Variants in SYNE3 observed in about 807,000 individuals in gnomAD.
The protein encoded by SYNE3 is nesprin-3.
SYNE3 carries 100 observed loss-of-function variants against 111.2 expected under a neutral mutation model. That is an observed-to-expected ratio of 0.90 (90% CI 0.77 to 1.06). The LOEUF (loss-of-function observed/expected upper bound fraction) is 1.06. Ranked by LOEUF, SYNE3 falls within the 50% of genes least tolerant of loss-of-function variation. The pLI is 0.00. For missense variants in SYNE3, 1,160 were observed against 1,240.3 expected, an observed-to-expected ratio of 0.94 and a Z score of 0.97; for synonymous variants, 547 against 533.9, an observed-to-expected ratio of 1.02 and a Z score of -0.34.
At chr14:95,432,425 C>T (rs1237976222) in intron 16 of SYNE3, among the ~76,000 whole-genome samples, 1 of 152,158 alleles carries the variant, frequency 6.6e-6, no homozygotes. Context: ...CCAGGAAAGC[C>T]TGGGGCGCCC....
intron 1 of SYNE3, among the ~76,000 whole-genome samples, chr14:95,477,091 A>C (rs1210376662): frequency 6.6e-6 from 1 of 152,276 alleles, no homozygotes; most frequent in Non-Finnish European, 1.5e-5. Flanking sequence ...ATTAACAAAA[A>C]CTACACTCAT....
intron 5 of SYNE3, chr14:95,456,214 A>G (rs1887430821): frequency 6.0e-6 from 1 of 167,404 alleles, no homozygotes; most frequent in Non-Finnish European, 1.3e-5. Flanking sequence ...TTAAATACAA[A>G]TATTAAAGAA....
chr14:95,483,777 T>G (rs1462172732), intron 1 of SYNE3, among the ~76,000 whole-genome samples: 1 of 152,152 alleles, frequency 6.6e-6, no homozygotes, highest in Non-Finnish European at 1.5e-5. Flanking sequence ...CTTGGCAGGT[T>G]AAGGGACTGC....
intron 17 of SYNE3, among the ~76,000 whole-genome samples, chr14:95,426,542 G>A (rs542900588): frequency 8.1e-4 from 124 of 152,204 alleles, no homozygotes; most frequent in Non-Finnish European, 1.3e-3. Flanking sequence ...CCAAGCACAC[G>A]TGTTCCCAGC....
At chr14:95,449,684 G>T in intron 8 of SYNE3, 2 of 984,348 alleles carry the variant, frequency 2.0e-6, no homozygotes, top group Non-Finnish European at 2.4e-6. Context: ...CCTGGGAGAT[G>T]CTTGCGGGTG....
chr14:95,504,515 T>C (rs1291716174), intron 1 of SYNE3, among the ~76,000 whole-genome samples: 1 of 152,264 alleles, frequency 6.6e-6, no homozygotes, highest in Admixed American at 6.5e-5. Context: ...CTGGCATTTA[T>C]CCTACTTACA....
chr14:95,488,199 A>G (rs577131656), intron 1 of SYNE3, among the ~76,000 whole-genome samples: 6 of 152,320 alleles, frequency 3.9e-5, no homozygotes, highest in African/African-American at 1.2e-4. Context: ...AGTTAGACTT[A>G]AATTTTCAAG....
chr14:95,462,386 G>T (rs1030097707), intron 4 of SYNE3, among the ~76,000 whole-genome samples: 2 of 152,216 alleles, frequency 1.3e-5, no homozygotes, highest in Admixed American at 1.3e-4. Context: ...TCAGCCAACA[G>T]CTGAGAAAGC....
intron 15 of SYNE3, among the ~76,000 whole-genome samples, chr14:95,434,772 C>T (rs1192570865): frequency 6.6e-6 from 1 of 152,170 alleles, no homozygotes; most frequent in Non-Finnish European, 1.5e-5. Context: ...ATTCTCCTGC[C>T]TTAGCCTCCC....
rs760448297 is a variant in SYNE3 at position 95,409,328 on chromosome 14, G to T, written c.*8498C>A. 4.2e-5 allele frequency: 19 copies of T among 456,626 alleles called. No homozygotes were observed. The highest frequency in any genetic ancestry group is 2.8e-4 in the East Asian group (4 of 14,412). The allele number at this position is 456,626 out of a possible 1,614,324, so 28.3% of individuals were successfully genotyped here. On this transcript the variant is annotated 3_prime_UTR_variant, in exon 18 of 18. Coordinates refer to ENST00000682763, the MANE Select transcript of SYNE3 (RefSeq NM_152592.6). ...CATGACCATATTGCAGGCGCTCGGGGTATGTTTTCTTCCCTCCCTTTCTCA... is the reference window on the plus strand; with the variant it reads ...CATGACCATATTGCAGGCGCTCGGGTTATGTTTTCTTCCCTCCCTTTCTCA...
intron 1 of SYNE3, among the ~76,000 whole-genome samples, chr14:95,487,474 T>C (rs774165147): frequency 3.3e-5 from 5 of 152,188 alleles, no homozygotes; most frequent in African/African-American, 7.2e-5. Flanking sequence ...AGGAGCTCCC[T>C]GAGGAGGGGT....
At chr14:95,447,153 A>C (rs6575512) in intron 8 of SYNE3, among the ~76,000 whole-genome samples, 31,632 of 125,622 alleles carry the variant, frequency 0.25, 3,878 homozygotes, top group Admixed American at 0.41. Context: ...TTTTTTTTTG[A>C]GCTGGAGTCT....
At chr14:95,419,634 G>A (rs1017358915) in intron 17 of SYNE3, among the ~76,000 whole-genome samples, 2 of 148,586 alleles carry the variant, frequency 1.3e-5, no homozygotes, top group African/African-American at 2.5e-5. Flanking sequence ...TGACCATGGC[G>A]ATGGAGGTGA....
At position 95,466,028 on chromosome 14, in the gene SYNE3, G is replaced by T. The variant is rs751724689; in HGVS notation, c.530C>A (p.Ala177Glu). ...AVLLDRLLEE[A>E]ASLFNRIGDP... Reference sequence around the variant, plus strand: ...CCCGATCCTGTTGAACAGGGAGGCTGCCTCCTCCAGCAGCCGGTCCAGGAG... The same window carrying T: ...CCCGATCCTGTTGAACAGGGAGGCTTCCTCCTCCAGCAGCCGGTCCAGGAG... Residue 177 changes from alanine (A) to glutamate (E), a missense_variant, in exon 4 of 18, where the codon GCA becomes GAA. Physicochemically the swap from Ala to Glu is moderately radical, Grantham distance 107. Transcript: ENST00000682763. 1 of 1,612,528 alleles carries T rather than the reference G, an allele frequency of 6.2e-7. No homozygotes were observed. The highest frequency in any genetic ancestry group is 8.5e-7 in the Non-Finnish European group (1 of 1,178,690).
intron 4 of SYNE3, among the ~76,000 whole-genome samples, chr14:95,458,312 G>A (rs1360110463): frequency 6.6e-6 from 1 of 152,182 alleles, no homozygotes; most frequent in African/African-American, 2.4e-5. Flanking sequence ...CCCACTGCCT[G>A]TGGCTTGAAC....
intron 7 of SYNE3, chr14:95,450,363 A>T (rs17092308): frequency 0.016 from 8,279 of 516,102 alleles, 562 homozygotes; most frequent in African/African-American, 0.14. Flanking sequence ...GCTCCTTGGG[A>T]CCTGTAGTCT....
At chr14:95,419,426 C>A (rs922556982) in intron 17 of SYNE3, among the ~76,000 whole-genome samples, 3 of 152,102 alleles carry the variant, frequency 2.0e-5, no homozygotes, top group Non-Finnish European at 4.4e-5. Context: ...CCAGTTCTTA[C>A]TATTAGTACT....
At chr14:95,499,020 T>G (rs1474197957) in intron 1 of SYNE3, among the ~76,000 whole-genome samples, 3 of 152,290 alleles carry the variant, frequency 2.0e-5, no homozygotes, top group African/African-American at 4.8e-5. Context: ...AACGGCAGGG[T>G]TCATTTCAAA....
intron 1 of SYNE3, among the ~76,000 whole-genome samples, chr14:95,479,224 C>CAAAAAAA (rs71132351): frequency 2.3e-5 from 2 of 86,330 alleles, no homozygotes; most frequent in Admixed American, 1.7e-4. Context: ...TCGTCTCTAC[C>CAAAAAAA]AAAAAAAAAA....
Sources: allele counts gnomAD v4.1 joint callset (sites outside exome capture counted in the v4.1 genomes callset), GRCh38; gene constraint gnomAD v4.1.1; transcripts MANE v1.5; gene names NCBI Gene and HGNC (gene_info 2026-07-23, HGNC 2026-07-21).